The following NKAIN3 variants were observed in gnomAD, a reference collection of about 807,000 sequenced individuals.
NKAIN3 encodes sodium/potassium transporting ATPase interacting 3.
A neutral mutation model predicts 30.2 loss-of-function variants in NKAIN3; 25 were observed. The observed-to-expected ratio is 0.83, with a 90% CI of 0.60 to 1.16. The LOEUF (loss-of-function observed/expected upper bound fraction) is 1.16. Among genes scored for constraint, NKAIN3 ranks in the 50% most tolerant of loss-of-function variants. NKAIN3 has a pLI of 0.00. For synonymous variants in NKAIN3, 91 were observed against 89.6 expected (o/e 1.02, Z -0.09); for missense variants, 225 against 254.1 (o/e 0.89, Z 0.78).
chr8:62,381,525 C>CATAT (rs200707903), intron 1 of NKAIN3, among the ~76,000 whole-genome samples: 5 of 151,852 alleles, frequency 3.3e-5, no homozygotes, highest in Admixed American at 6.6e-5. Flanking sequence ...CACACATATA[C>CATAT]ATATATATAT....
rs533628841 is a variant in NKAIN3, at chr8:62,618,503, C to T, written c.273+28709C>T. Among the ~76,000 whole-genome samples, 31 of 151,822 alleles carry T rather than the reference C, an allele frequency of 2.0e-4. No individual in the cohort carries two copies. In the South Asian group the frequency reaches 5.0e-3, roughly 24 times the overall value. On this transcript the variant is annotated intron_variant, in intron 3 of 6. Transcript: ENST00000623646. ...TGTAGTCCCTCATGATTGCTTCGCT[C>T]GCTCGTGGTGGACAATTAGTTGTGG...
intron 3 of NKAIN3, among the ~76,000 whole-genome samples, chr8:62,667,365 A>G (rs1259912518): frequency 7.0e-6 from 1 of 142,220 alleles, no homozygotes; most frequent in African/African-American, 2.6e-5. Context: ...ATATCTGTAT[A>G]TATATATATA....
At chr8:62,519,003 T>G (rs1808076051) in intron 1 of NKAIN3, among the ~76,000 whole-genome samples, 2 of 151,394 alleles carry the variant, frequency 1.3e-5, no homozygotes, top group Admixed American at 1.3e-4. Context: ...ATGTGTGAAG[T>G]GGATATATTT....
At chr8:62,733,416 T>C (rs1223409043) in intron 3 of NKAIN3, among the ~76,000 whole-genome samples, 1 of 152,192 alleles carries the variant, frequency 6.6e-6, no homozygotes, top group African/African-American at 2.4e-5. Context: ...TAAATAAAAG[T>C]TTAATCAGAT....
intron 4 of NKAIN3, among the ~76,000 whole-genome samples, chr8:62,883,460 T>TTGTTTTTTTTTTTTG (rs1821055044): frequency 8.5e-5 from 1 of 11,778 alleles, no homozygotes; most frequent in African/African-American, 1.7e-3. Context: ...TTTATGGGTT[T>TTGTTTTTTTTTTTTG]TTTTTTTTTT....
At chr8:62,900,660 C>A (rs1384339646) in intron 4 of NKAIN3, among the ~76,000 whole-genome samples, 1 of 152,028 alleles carries the variant, frequency 6.6e-6, no homozygotes, top group Non-Finnish European at 1.5e-5. Flanking sequence ...TCCAACTAAA[C>A]CCTGTGCTAA....
intron 1 of NKAIN3, among the ~76,000 whole-genome samples, chr8:62,317,535 C>G (rs961593613): frequency 6.6e-6 from 1 of 152,174 alleles, no homozygotes; most frequent in Non-Finnish European, 1.5e-5. Context: ...AATAGGGAAT[C>G]CTTTCCCCAT....
intron 3 of NKAIN3, among the ~76,000 whole-genome samples, chr8:62,666,829 G>A (rs1040065694): frequency 2.0e-5 from 3 of 151,978 alleles, no homozygotes; most frequent in Admixed American, 6.6e-5. Context: ...AGGAAAGGAG[G>A]CTTATTCATC....
chr8:62,510,091 A>G (rs1337438263), intron 1 of NKAIN3, among the ~76,000 whole-genome samples: 1 of 152,078 alleles, frequency 6.6e-6, no homozygotes, highest in East Asian at 1.9e-4. Context: ...GAGGGCCTTA[A>G]AAGTTGGGTT....
intron 1 of NKAIN3, among the ~76,000 whole-genome samples, chr8:62,486,470 T>C (rs1014616399): frequency 5.3e-5 from 8 of 152,186 alleles, no homozygotes; most frequent in Admixed American, 2.0e-4. Flanking sequence ...TAAAAGTTAA[T>C]GTATTAGATA....
chr8:62,849,532 T>C (rs1254059176), intron 4 of NKAIN3, among the ~76,000 whole-genome samples: 6 of 151,750 alleles, frequency 4.0e-5, no homozygotes, highest in South Asian at 4.2e-4. Context: ...ATGTGCCATG[T>C]TGGTGTGCTG....
At chr8:62,820,506 C>G (rs1818816462) in intron 4 of NKAIN3, among the ~76,000 whole-genome samples, 2 of 152,078 alleles carry the variant, frequency 1.3e-5, no homozygotes, top group African/African-American at 4.8e-5. Context: ...ACGTAATGAG[C>G]ACAGTATTAG....
intron 3 of NKAIN3, among the ~76,000 whole-genome samples, chr8:62,735,374 CTTTCTT>C (rs1480752761): frequency 3.9e-3 from 39 of 9,900 alleles, no homozygotes; most frequent in Admixed American, 9.6e-3. Context: ...TTCTTTCTTT[CTTTCTT>C]TTTTTTTTTT....
chr8:62,262,926 T>C (rs974011225), intron 1 of NKAIN3, among the ~76,000 whole-genome samples: 12 of 152,150 alleles, frequency 7.9e-5, no homozygotes, highest in Non-Finnish European at 1.6e-4. Context: ...ATTAAAGATA[T>C]AAGTAATATG....
chr8:62,350,538 C>T (rs1036540888), intron 1 of NKAIN3, among the ~76,000 whole-genome samples: 16 of 152,050 alleles, frequency 1.1e-4, no homozygotes, highest in Admixed American at 5.2e-4. Context: ...TGGGGACCAA[C>T]GGTGGTGATG....
intron 1 of NKAIN3, among the ~76,000 whole-genome samples, chr8:62,497,024 G>A (rs1435373114): frequency 6.6e-6 from 1 of 151,964 alleles, no homozygotes. Context: ...AATTAAGAAG[G>A]CACTGAAGTT....
At chr8:62,858,111 G>T (rs377525971) in intron 4 of NKAIN3, among the ~76,000 whole-genome samples, 2 of 152,200 alleles carry the variant, frequency 1.3e-5, no homozygotes, top group East Asian at 3.9e-4. Context: ...GTTGCATAGG[G>T]CTGCTGTGGT....
intron 4 of NKAIN3, among the ~76,000 whole-genome samples, chr8:62,860,192 T>C (rs1820197588): frequency 6.6e-6 from 1 of 152,110 alleles, no homozygotes; most frequent in South Asian, 2.1e-4. Context: ...AAATATGTGA[T>C]AGGAAAGATG....
In NKAIN3 at chr8:62,578,590, AAG is replaced by A. The variant is rs1217200710; in HGVS notation, c.55-945_55-944del. Among the ~76,000 whole-genome samples, 3 of 152,118 alleles carry A rather than the reference AAG, an allele frequency of 2.0e-5. No homozygotes were observed. The East Asian group carries it at 5.8e-4, about 29-fold the overall frequency. ...CTGGCAATCTTAGGAAAGGAAAAGAAAGAGACAAGATTTGGCTAACGTATATT... is the reference window on the plus strand; with the variant it reads ...CTGGCAATCTTAGGAAAGGAAAAGAAAGACAAGATTTGGCTAACGTATATT... On this transcript the variant is annotated intron_variant, in intron 1 of 6. Coordinates refer to ENST00000623646, the MANE Select transcript of NKAIN3 (RefSeq NM_001304533.3).
Sources: gnomAD v4.1 joint callset for allele counts (sites outside exome capture counted in the v4.1 genomes callset) on GRCh38, gnomAD v4.1.1 for gene constraint, MANE v1.5 for transcripts, NCBI Gene and HGNC (gene_info 2026-07-23, HGNC 2026-07-21) for gene names.